Variants in UIMC1 observed in about 807,000 individuals in gnomAD.
UIMC1 encodes the protein ubiquitin interaction motif containing 1.
Under a neutral mutation model 84.9 loss-of-function variants are expected in UIMC1, and 42 were observed. The ratio of observed to expected loss-of-function variants is 0.49; its 90% confidence interval spans 0.39 to 0.64. The LOEUF is 0.64. Among genes scored for constraint, UIMC1 ranks in the 30% least tolerant of loss-of-function variants. The pLI is 0.00. For synonymous variants in UIMC1, 281 were observed against 293.0 expected (o/e 0.96, Z 0.42); for missense variants, 825 against 847.6 (o/e 0.97, Z 0.33).
chr5:176,973,104 C>T (rs911335605), intron 3 of UIMC1, among the ~76,000 whole-genome samples: 24 of 151,846 alleles, frequency 1.6e-4, no homozygotes, highest in Middle Eastern at 6.8e-3. Context: ...TTAGTAGAGA[C>T]GAGGTTTCAC....
At chr5:176,971,384 T>C in intron 3 of UIMC1, among the ~76,000 whole-genome samples, 1 of 152,166 alleles carries the variant, frequency 6.6e-6, no homozygotes, top group East Asian at 1.9e-4. Flanking sequence ...ACTGAAGAAA[T>C]GGCTGGGTCC....
At chr5:176,927,265 T>A (rs1762499559) in intron 10 of UIMC1, among the ~76,000 whole-genome samples, 1 of 152,126 alleles carries the variant, frequency 6.6e-6, no homozygotes, top group African/African-American at 2.4e-5. Flanking sequence ...TTTCTTTATT[T>A]TTTTTGGAGA....
intron 3 of UIMC1, among the ~76,000 whole-genome samples, chr5:176,974,499 T>C (rs411584): frequency 1.3e-3 from 203 of 151,942 alleles, no homozygotes; most frequent in African/African-American, 4.6e-3. Context: ...TCTTAGGACA[T>C]AGAAAGAAAA....
rs765092987 is a variant in UIMC1 at position 176,956,029 on chromosome 5, A to T, written c.1269T>A (p.Ala423=). The part of the protein sequence containing the change: ...GNSVPASQSV[A]ALTSKRSLVL... ...CTAAGCTTCTCTTACTGGTCAAAGC[A>T]GCAACACTGAAAGAGAACCAAATCC... Residue 423 remains alanine, a synonymous_variant, in exon 8 of 15, where the codon GCT becomes GCA. Coordinates refer to ENST00000511320, the MANE Select transcript of UIMC1 (RefSeq NM_001199298.2). The T allele has an allele frequency of 6.2e-7, 1 of 1,613,294 alleles. No individual in the cohort carries two copies. Among genetic ancestry groups the T allele is most frequent in the Admixed American group, 1.7e-5 (1 of 59,876 alleles).
At position 176,968,980 on chromosome 5, in the gene UIMC1, G is replaced by A. The variant is rs372201501; in HGVS notation, c.775C>T (p.Pro259Ser). Residue 259 changes from proline to serine, a missense_variant, in exon 6 of 15, where the codon CCT (proline) becomes TCT (serine). Transcript: ENST00000511320. ...GSGDTSRHCL[P>S]TLADAKGLQD... Reference sequence around the variant, plus strand: ...AGACCTTTGGCATCTGCTAGGGTAGGTAGACAGTGCCTAGATGTGTCCCCG... The same window carrying A: ...AGACCTTTGGCATCTGCTAGGGTAGATAGACAGTGCCTAGATGTGTCCCCG... The A allele has an allele frequency of 6.2e-7, 1 of 1,614,218 alleles. No individual in the cohort carries two copies. The highest frequency in any genetic ancestry group is 8.5e-7 in the Non-Finnish European group (1 of 1,180,040).
intron 1 of UIMC1, among the ~76,000 whole-genome samples, chr5:176,990,690 T>A (rs1772699002): frequency 6.6e-6 from 1 of 152,190 alleles, no homozygotes; most frequent in Admixed American, 6.5e-5. Context: ...TTTTGTTTCT[T>A]GAGATAGGGG....
chr5:176,949,936 C>T (rs1255632265), intron 9 of UIMC1, among the ~76,000 whole-genome samples: 1 of 151,680 alleles, frequency 6.6e-6, no homozygotes, highest in South Asian at 2.1e-4. Flanking sequence ...CACCTGTAAT[C>T]CTAGTTACTT....
chr5:176,993,828 T>C (rs939487909), intron 1 of UIMC1, among the ~76,000 whole-genome samples: 2 of 151,812 alleles, frequency 1.3e-5, no homozygotes, highest in Admixed American at 1.3e-4. Context: ...GTCAACATGG[T>C]GAAACCCCGT....
At chr5:176,998,267 C>T (rs1312225285) in intron 1 of UIMC1, among the ~76,000 whole-genome samples, 1 of 151,884 alleles carries the variant, frequency 6.6e-6, no homozygotes, top group Non-Finnish European at 1.5e-5. Flanking sequence ...AGTTCGAGAC[C>T]ACCCTGGCCA....
chr5:176,961,926 C>G (rs1310213671), intron 6 of UIMC1, among the ~76,000 whole-genome samples: 4 of 60,088 alleles, frequency 6.7e-5, no homozygotes, highest in African/African-American at 1.5e-4. Context: ...CCAGCCGCCC[C>G]GTCCGGGAGG....
intron 2 of UIMC1, among the ~76,000 whole-genome samples, chr5:176,980,611 A>T (rs932283664): frequency 6.6e-5 from 10 of 152,130 alleles, no homozygotes; most frequent in African/African-American, 1.9e-4. Context: ...TTTTCATTTC[A>T]TATCTTTCTA....
intron 11 of UIMC1, among the ~76,000 whole-genome samples, chr5:176,909,282 A>G (rs925600843): frequency 2.0e-4 from 31 of 152,306 alleles, no homozygotes; most frequent in Middle Eastern, 3.4e-3. Flanking sequence ...AAAAGAGCAG[A>G]GTTTGGGTAA....
chr5:177,013,960 C>T (rs965387806), intron 1 of UIMC1, among the ~76,000 whole-genome samples: 2 of 152,082 alleles, frequency 1.3e-5, no homozygotes, highest in South Asian at 2.1e-4. Context: ...CTAGTGCAAA[C>T]CAAAGTTTCA....
At chr5:176,963,155 A>AT (rs1767769436) in intron 6 of UIMC1, among the ~76,000 whole-genome samples, 4 of 10,896 alleles carry the variant, frequency 3.7e-4, no homozygotes, top group South Asian at 0.01. Context: ...AAAAAAATAA[A>AT]TTAAAAAAAA....
intron 1 of UIMC1, among the ~76,000 whole-genome samples, chr5:176,994,290 G>A (rs919463015): frequency 1.3e-5 from 2 of 151,932 alleles, no homozygotes; most frequent in African/African-American, 4.8e-5. Flanking sequence ...TATACTAAAG[G>A]CCAATAAGGA....
In UIMC1 at chr5:176,944,569, C is replaced by T. The variant is rs149484077; in HGVS notation, c.1444-1081G>A. Among the ~76,000 whole-genome samples, 219 of 152,318 alleles carry T rather than the reference C, an allele frequency of 1.4e-3. 1 individual carries two copies. Among genetic ancestry groups the T allele is most frequent in the African/African-American group, 5.0e-3 (208 of 41,570 alleles). The stretch of plus-strand genomic sequence containing the variant: ...TTAAAGCAAGGGACACCCGGGCTGT[C>T]ATTACACCTTACTACATGAGGAAAA... On this transcript the variant is annotated intron_variant, in intron 9 of 14. Transcript: ENST00000511320.
At chr5:176,906,498 T>C (rs1187859978) in intron 13 of UIMC1, among the ~76,000 whole-genome samples, 3 of 152,222 alleles carry the variant, frequency 2.0e-5, no homozygotes, top group Non-Finnish European at 4.4e-5. Flanking sequence ...TCCTCTTCCA[T>C]CCACATCTGG....
In UIMC1 at chr5:176,968,723, C is replaced by T. The variant is rs1768703755; in HGVS notation, c.1032G>A (p.Glu344=). 6.2e-7 allele frequency: 1 copy of T among 1,614,064 alleles called. No individual in the cohort carries two copies. Among genetic ancestry groups the T allele is most frequent in the Admixed American group, 1.7e-5 (1 of 59,998 alleles). Residue 344 remains glutamate (E), a synonymous_variant, in exon 6 of 15, where the codon GAG becomes GAA. Coordinates refer to ENST00000511320, the MANE Select transcript of UIMC1 (RefSeq NM_001199298.2). ...TATCTTCTGAGATGCATTCATTTTT[C>T]TCACTAGCCTGCTCTCCTTGGCCAC... The part of the protein sequence containing the change: ...NECGQGEQAS[E]KNECISEDMG...
chr5:176,969,529 T>A, intron 5 of UIMC1, 72 bp downstream of exon 5: 3 of 1,488,466 alleles, frequency 2.0e-6, no homozygotes, highest in Non-Finnish European at 1.9e-6. Context: ...TCCGTGTATC[T>A]ACTCTCAGCA....
Sources: allele counts gnomAD v4.1 joint callset (sites outside exome capture counted in the v4.1 genomes callset), GRCh38; gene constraint gnomAD v4.1.1; transcripts MANE v1.5; gene names NCBI Gene and HGNC (gene_info 2026-07-23, HGNC 2026-07-21).